The following SLC8A1 variants were observed in gnomAD, a reference collection of about 807,000 sequenced individuals.
SLC8A1 encodes sodium/calcium exchanger 1.
In SLC8A1, 18 loss-of-function variants were observed where a neutral mutation model predicts 68.3. The observed-to-expected ratio is 0.26, with a 90% CI of 0.18 to 0.39. The LOEUF (loss-of-function observed/expected upper bound fraction) is 0.39, where lower values mean the gene tolerates loss of function less well. SLC8A1 is among the 10% of genes least tolerant of loss of function. The pLI, the probability that SLC8A1 is intolerant of heterozygous loss-of-function variation, is 1.00. For synonymous variants in SLC8A1, 475 were observed against 415.5 expected (o/e 1.14, Z -1.74); for missense variants, 985 against 1,156.7 (o/e 0.85, Z 2.15).
At chr2:40,137,958 T>C (rs2040838373) in intron 7 of SLC8A1, among the ~76,000 whole-genome samples, 1 of 152,140 alleles carries the variant, frequency 6.6e-6, no homozygotes, top group African/African-American at 2.4e-5. Flanking sequence ...TCATCCATGG[T>C]TAATGAATGA....
At chr2:40,280,068 G>A (rs1042216844) in intron 2 of SLC8A1, among the ~76,000 whole-genome samples, 1 of 152,026 alleles carries the variant, frequency 6.6e-6, no homozygotes, top group Non-Finnish European at 1.5e-5. Context: ...TAAGGAGTTA[G>A]TGAAAATGAA....
chr2:40,098,753 T>C (rs2033719053), exon 8 of SLC8A1: 1 of 152,046 alleles, frequency 6.6e-6, no homozygotes, highest in East Asian at 1.9e-4. Context: ...GTGTACTACA[T>C]TGGCTTAAAA....
chr2:40,212,164 G>C (rs1398640509), intron 2 of SLC8A1, among the ~76,000 whole-genome samples: 2 of 148,172 alleles, frequency 1.3e-5, no homozygotes, highest in African/African-American at 5.0e-5. Flanking sequence ...CAGAGAGAGA[G>C]ACAGAGAAAG....
At chr2:40,217,458 G>T (rs574778236) in intron 2 of SLC8A1, among the ~76,000 whole-genome samples, 1 of 152,184 alleles carries the variant, frequency 6.6e-6, no homozygotes, top group East Asian at 1.9e-4. Flanking sequence ...TTGGGCTTCA[G>T]TTTTTATTAG....
chr2:40,284,933 G>C (rs2068074356), intron 2 of SLC8A1, among the ~76,000 whole-genome samples: 1 of 152,040 alleles, frequency 6.6e-6, no homozygotes. Context: ...TATCTGAGCA[G>C]GCACTCTCAT....
At chr2:40,442,761 C>A (rs542875013) in intron 1 of SLC8A1, among the ~76,000 whole-genome samples, 1 of 152,098 alleles carries the variant, frequency 6.6e-6, no homozygotes, top group African/African-American at 2.4e-5. Flanking sequence ...TGAGTAAATA[C>A]CCAAAGGAAC....
At chr2:40,355,262 G>C (rs1007107521) in intron 2 of SLC8A1, among the ~76,000 whole-genome samples, 17 of 152,160 alleles carry the variant, frequency 1.1e-4, no homozygotes, top group Admixed American at 9.8e-4. Flanking sequence ...TGATTCCGAT[G>C]ATTTTTTGAT....
Position 40,367,173 on chromosome 2 carries a change from C to T in SLC8A1, c.1808+61300G>A, listed in dbSNP as rs955523073. ...TCCCCAAAGACAAGCTGTCACTTTG[C>T]AAAGGATTCATACTAACTCTTGCTT... On this transcript the variant is annotated intron_variant, in intron 2 of 7. Transcript: ENST00000406785. 4.6e-5 allele frequency among the ~76,000 whole-genome samples: 7 copies of T among 152,002 alleles called. No individual in the cohort carries two copies. In the East Asian group the frequency reaches 1.4e-3, roughly 30 times the overall value.
chr2:40,274,073 T>G (rs2066398111), intron 2 of SLC8A1, among the ~76,000 whole-genome samples: 1 of 151,160 alleles, frequency 6.6e-6, no homozygotes, highest in Non-Finnish European at 1.5e-5. Context: ...TGCTTTTAGA[T>G]CATTTCATCA....
chr2:40,422,362 T>A (rs1040639282), intron 2 of SLC8A1, among the ~76,000 whole-genome samples: 1 of 152,204 alleles, frequency 6.6e-6, no homozygotes, highest in Non-Finnish European at 1.5e-5. Flanking sequence ...GATATTACAA[T>A]GTTGCCTATA....
At chr2:40,238,060 TTGTC>T (rs1206834733) in intron 2 of SLC8A1, among the ~76,000 whole-genome samples, 6 of 152,206 alleles carry the variant, frequency 3.9e-5, no homozygotes, top group Non-Finnish European at 7.3e-5. Flanking sequence ...GTCTTTTTGT[TTGTC>T]TGTGCCCTGC....
chr2:40,251,911 T>C (rs1284081058), intron 2 of SLC8A1: 1 of 152,222 alleles, frequency 6.6e-6, no homozygotes, highest in Non-Finnish European at 1.5e-5. Flanking sequence ...AAAGTCCGTG[T>C]AGATACAAGT....
At chr2:40,245,146 T>C (rs2061692579) in intron 2 of SLC8A1, among the ~76,000 whole-genome samples, 1 of 132,136 alleles carries the variant, frequency 7.6e-6, no homozygotes, top group Admixed American at 8.1e-5. Context: ...CAGTATAAAT[T>C]AGGAATCATT....
intron 7 of SLC8A1, among the ~76,000 whole-genome samples, chr2:40,121,174 C>T (rs1025997667): frequency 2.0e-5 from 3 of 152,124 alleles, no homozygotes; most frequent in African/African-American, 7.2e-5. Context: ...CTTGGGCATC[C>T]CTGCTAGATC....
chr2:40,258,376 G>T (rs746483054), intron 2 of SLC8A1, among the ~76,000 whole-genome samples: 5 of 152,166 alleles, frequency 3.3e-5, no homozygotes, highest in Non-Finnish European at 5.9e-5. Flanking sequence ...CAAAATGAAA[G>T]AAAGTAACTG....
chr2:40,229,582 A>G (rs2059394826), intron 2 of SLC8A1, among the ~76,000 whole-genome samples: 1 of 152,166 alleles, frequency 6.6e-6, no homozygotes, highest in East Asian at 1.9e-4. Context: ...AATCTCCTAA[A>G]TAAGTCCTTA....
intron 2 of SLC8A1, among the ~76,000 whole-genome samples, chr2:40,384,848 T>C (rs1575930574): frequency 6.6e-6 from 1 of 152,096 alleles, no homozygotes; most frequent in East Asian, 1.9e-4. Context: ...TATTGTCTTT[T>C]CTGTGGTCAG....
chr2:40,249,480 T>G (rs2062401712), intron 2 of SLC8A1, among the ~76,000 whole-genome samples: 1 of 152,236 alleles, frequency 6.6e-6, no homozygotes, highest in South Asian at 2.1e-4. Context: ...TTCATAACCC[T>G]TAGTGCTTAA....
chr2:40,157,952 T>C (rs949386588), intron 6 of SLC8A1, among the ~76,000 whole-genome samples: 1 of 152,094 alleles, frequency 6.6e-6, no homozygotes, highest in Non-Finnish European at 1.5e-5. Context: ...AGCTATGAAA[T>C]TCAGAAAAAG....
Sources: gnomAD v4.1 joint callset for allele counts (sites outside exome capture counted in the v4.1 genomes callset) on GRCh38, gnomAD v4.1.1 for gene constraint, MANE v1.5 for transcripts, NCBI Gene and HGNC (gene_info 2026-07-23, HGNC 2026-07-21) for gene names.